DNAJC6: variants seen among roughly 807,000 people sequenced by gnomAD.
DNAJC6 encodes DnaJ heat shock protein family (Hsp40) member C6, also known as auxilin.
Under a neutral mutation model 110.0 loss-of-function variants are expected in DNAJC6, and 34 were observed. That is an observed-to-expected ratio of 0.31 (90% CI 0.24 to 0.41). The LOEUF is 0.41. Among genes scored for constraint, DNAJC6 ranks in the 10% least tolerant of loss-of-function variants. DNAJC6 has a pLI of 1.00. For missense variants in DNAJC6, 1,031 were observed against 1,207.8 expected (o/e 0.85, Z 2.17); for synonymous variants, 406 against 437.2 (o/e 0.93, Z 0.89).
rs769674686 is a variant in DNAJC6, at chr1:65,384,293, G to A, written c.767G>A (p.Arg256Gln). ...GPAIRLLYAK[R>Q]PGIGLSPSHR... ...GCCATTCGATTGCTATATGCAAAGCGACCAGGAATTGGACTTTCACCATCC... is the reference window on the plus strand; with the variant it reads ...GCCATTCGATTGCTATATGCAAAGCAACCAGGAATTGGACTTTCACCATCC... Residue 256 changes from arginine to glutamine, a missense_variant, in exon 6 of 19, where the codon CGA becomes CAA. Arg to Gln is a conservative substitution (Grantham distance 43, BLOSUM62 1). Coordinates refer to ENST00000371069, the MANE Select transcript of DNAJC6 (RefSeq NM_001256864.2). The A allele has an allele frequency of 1.6e-5, 26 of 1,579,626 alleles. No individual in the cohort carries two copies. Among genetic ancestry groups the A allele is most frequent in the Non-Finnish European group, 1.9e-5 (22 of 1,165,472 alleles).
At chr1:65,385,659 C>T (rs1196790209) in intron 6 of DNAJC6, 53 bp from the exon 7 acceptor site, 1 of 1,376,700 alleles carries the variant, frequency 7.3e-7, no homozygotes, top group Non-Finnish European at 9.6e-7. Context: ...ATATTGATTG[C>T]TTGCTTCTCC....
chr1:65,408,602 G>A, intron 16 of DNAJC6, 39 bp from the exon 17 acceptor site: 1 of 1,593,224 alleles, frequency 6.3e-7, no homozygotes, highest in Non-Finnish European at 8.5e-7. Flanking sequence ...TTATGTTTAA[G>A]AATGAAAACT....
intron 5 of DNAJC6, among the ~76,000 whole-genome samples, chr1:65,380,177 A>G (rs766960477): frequency 1.1e-4 from 16 of 152,220 alleles, no homozygotes; most frequent in Admixed American, 3.9e-4. Context: ...CTTCTCCTGC[A>G]TATTTTCCCA....
At chr1:65,301,947 G>A (rs1447878217) in intron 1 of DNAJC6, among the ~76,000 whole-genome samples, 2 of 151,530 alleles carry the variant, frequency 1.3e-5, no homozygotes, top group Non-Finnish European at 2.9e-5. Flanking sequence ...TCCTGCCTTG[G>A]ACAGGTGAAA....
chr1:65,388,544 A>T, intron 9 of DNAJC6, 129 bp downstream of exon 9: 2 of 801,694 alleles, frequency 2.5e-6, no homozygotes, highest in Non-Finnish European at 4.2e-6. Flanking sequence ...ACTCAGTAGC[A>T]CAGAGAGGCT....
upstream of DNAJC6, chr1:65,309,423 G>T (rs1645075221): frequency 2.2e-6 from 1 of 464,706 alleles, no homozygotes; most frequent in South Asian, 7.1e-5. Flanking sequence ...CCTCAGCCAG[G>T]AGGTGCTGGC....
chr1:65,279,065 A>C lies in DNAJC6; in HGVS notation c.-131+14133A>C, dbSNP rs983036593. On this transcript the variant is annotated intron_variant, in intron 1 of 19. Transcript: ENST00000263441. ...CATCACCTAAGAATCATTTGACTGC[A>C]TATGCTGAGAAAAAGGGAAATTCGT... The C allele has an allele frequency of 1.5e-5, 15 of 985,296 alleles. No homozygotes were observed. The Admixed American group carries it at 2.5e-4, about 16-fold the overall frequency. 61.0% of individuals were successfully genotyped at this position (985,296 alleles called of 1,614,324 possible).
chr1:65,348,308 T>C (rs1241041873), intron 1 of DNAJC6, among the ~76,000 whole-genome samples: 1 of 152,226 alleles, frequency 6.6e-6, no homozygotes, highest in Non-Finnish European at 1.5e-5. Context: ...GTTGCAGTAT[T>C]CTATAAATGT....
At chr1:65,314,695 C>T (rs1322006803) in intron 1 of DNAJC6, among the ~76,000 whole-genome samples, 1 of 152,146 alleles carries the variant, frequency 6.6e-6, no homozygotes, top group Non-Finnish European at 1.5e-5. Flanking sequence ...GCCATGTTGG[C>T]CAGGTTGGTC....
intron 1 of DNAJC6, among the ~76,000 whole-genome samples, chr1:65,287,589 T>C (rs1438030620): frequency 1.3e-5 from 2 of 152,180 alleles, no homozygotes; most frequent in African/African-American, 4.8e-5. Flanking sequence ...TCCATTTACT[T>C]TGCCATTTAA....
rs1049850217 is a variant in DNAJC6 at position 65,415,346 on chromosome 1, A to G, written c.*2321A>G. 1 of 152,096 alleles carries G rather than the reference A, an allele frequency of 6.6e-6. No individual in the cohort carries two copies. The highest frequency in any genetic ancestry group is 1.5e-5 in the Non-Finnish European group (1 of 68,018). 9.4% of individuals were successfully genotyped at this position (152,096 alleles called of 1,614,324 possible). A position where few individuals can be genotyped will look rare whatever the true frequency, so the allele number is the denominator to read the frequency against. On this transcript the variant is annotated 3_prime_UTR_variant, in exon 19 of 19. Coordinates refer to ENST00000371069, the MANE Select transcript of DNAJC6 (RefSeq NM_001256864.2). ...AGGAGCTTGAATGCCACCTTCTGAC[A>G]TGATTTACTTTTAAGGAAAGTTATG...
rs528816470 is a variant in DNAJC6 at position 65,414,097 on chromosome 1, C to T, written c.*1072C>T. On this transcript the variant is annotated 3_prime_UTR_variant, in exon 19 of 19. Coordinates refer to ENST00000371069, the MANE Select transcript of DNAJC6 (RefSeq NM_001256864.2). ...ACCCAGTCAGATGGCTTGTCAGTAT[C>T]TGCTCTGAGGAACCAGGTCCCACCT... is the stretch of plus-strand genomic sequence containing the variant. The T allele has an allele frequency of 6.6e-6, 1 of 152,356 alleles. No homozygotes were observed. Among genetic ancestry groups the T allele is most frequent in the Admixed American group, 6.5e-5 (1 of 15,292 alleles). 9.4% of individuals were successfully genotyped at this position (152,356 alleles called of 1,614,324 possible). A position where few individuals can be genotyped will look rare whatever the true frequency, so the allele number is the denominator to read the frequency against.
chr1:65,363,546 A>G (rs1478569775), intron 1 of DNAJC6, among the ~76,000 whole-genome samples: 1 of 152,174 alleles, frequency 6.6e-6, no homozygotes, highest in Non-Finnish European at 1.5e-5. Context: ...CCTCACACAC[A>G]TAGGCTGGAG....
intron 1 of DNAJC6, among the ~76,000 whole-genome samples, chr1:65,333,161 C>T (rs1278824438): frequency 6.6e-6 from 1 of 151,870 alleles, no homozygotes; most frequent in East Asian, 1.9e-4. Flanking sequence ...TTTTTAAAAG[C>T]AAACAAAAAC....
At chr1:65,290,537 T>C (rs1644861268) in intron 1 of DNAJC6, among the ~76,000 whole-genome samples, 3 of 152,238 alleles carry the variant, frequency 2.0e-5, no homozygotes, top group East Asian at 1.9e-4. Flanking sequence ...CCTGATCTAT[T>C]GAAAAACACT....
chr1:65,274,626 C>CT (rs987740344), intron 1 of DNAJC6, among the ~76,000 whole-genome samples: 1 of 151,712 alleles, frequency 6.6e-6, no homozygotes, highest in Non-Finnish European at 1.5e-5. Context: ...CTATACTTTA[C>CT]TTTTTTCTAT....
At chr1:65,353,873 A>G (rs971378211) in intron 1 of DNAJC6, among the ~76,000 whole-genome samples, 1 of 152,136 alleles carries the variant, frequency 6.6e-6, no homozygotes, top group African/African-American at 2.4e-5. Flanking sequence ...AAGCTTGAGG[A>G]GACAGTGAAA....
chr1:65,276,622 GTC>G lies in DNAJC6; in HGVS notation c.-131+11696_-131+11697del, dbSNP rs145515536. Among the ~76,000 whole-genome samples, 530 of 152,118 alleles carry G rather than the reference GTC, an allele frequency of 3.5e-3. 3 individuals are homozygous for G. Among genetic ancestry groups the G allele is most frequent in the African/African-American group, 0.012 (514 of 41,494 alleles). On this transcript the variant is annotated intron_variant, in intron 1 of 19. Transcript: ENST00000263441. ...TGACAGACCCTAAACTCTAATTTTT[GTC>G]TCTCTAATACTGTGAACTTGCTGAA...
chr1:65,410,364 C>T (rs1646117019), intron 17 of DNAJC6, among the ~76,000 whole-genome samples: 2 of 152,140 alleles, frequency 1.3e-5, no homozygotes, highest in South Asian at 4.1e-4. Context: ...GCATGTTTTT[C>T]ACTCCACCCA....
Sources: gnomAD v4.1 joint callset for allele counts (sites outside exome capture counted in the v4.1 genomes callset) on GRCh38, gnomAD v4.1.1 for gene constraint, MANE v1.5 for transcripts, NCBI Gene and HGNC (gene_info 2026-07-23, HGNC 2026-07-21) for gene names.